Variants in SLC24A2 observed in about 807,000 individuals in gnomAD.
SLC24A2 encodes the protein sodium/potassium/calcium exchanger 2.
A neutral mutation model predicts 62.0 loss-of-function variants in SLC24A2; 36 were observed. That is an observed-to-expected ratio of 0.58 (90% CI 0.44 to 0.77). The LOEUF (loss-of-function observed/expected upper bound fraction) is 0.77, where lower values mean the gene tolerates loss of function less well. Ranked by LOEUF, SLC24A2 falls within the 30% of genes least tolerant of loss-of-function variation. The probability of loss-of-function intolerance (pLI) is 0.00; values close to 1 mark genes in which losing one functional copy is unlikely to be tolerated. For synonymous variants in SLC24A2, 358 were observed against 294.0 expected (o/e 1.22, Z -2.23); for missense variants, 846 against 817.9 (o/e 1.03, Z -0.42).
At chr9:20,077,630 T>C in the SLC24A2 span, among the ~76,000 whole-genome samples, 23 of 152,232 alleles carry the variant, frequency 1.5e-4, no homozygotes, top group Admixed American at 1.3e-3. Flanking sequence ...GAAGTGCCTC[T>C]AGGGTCTCAT....
the SLC24A2 span, among the ~76,000 whole-genome samples, chr9:19,889,046 C>A: frequency 6.6e-6 from 1 of 152,174 alleles, no homozygotes; most frequent in South Asian, 2.1e-4. Flanking sequence ...GGCCCCAGAC[C>A]ATCAGTGTGA....
the SLC24A2 span, among the ~76,000 whole-genome samples, chr9:19,861,599 G>C: frequency 6.6e-6 from 1 of 152,072 alleles, no homozygotes; most frequent in African/African-American, 2.4e-5. Context: ...ATGCACCATG[G>C]ATCAATCCCA....
At chr9:19,682,615 A>G (rs1819755618) in intron 2 of SLC24A2, among the ~76,000 whole-genome samples, 1 of 152,182 alleles carries the variant, frequency 6.6e-6, no homozygotes, top group South Asian at 2.1e-4. Flanking sequence ...ATATAGTGTG[A>G]CACAGCAATA....
At chr9:19,994,360 T>G in the SLC24A2 span, among the ~76,000 whole-genome samples, 11 of 152,154 alleles carry the variant, frequency 7.2e-5, no homozygotes, top group South Asian at 2.1e-4. Context: ...TAATTACCCA[T>G]GCACACAATA....
At chr9:20,002,940 C>A in the SLC24A2 span, among the ~76,000 whole-genome samples, 1 of 152,154 alleles carries the variant, frequency 6.6e-6, no homozygotes, top group African/African-American at 2.4e-5. Flanking sequence ...TCACAAATGG[C>A]CCCGTGTTTA....
In SLC24A2 at chr9:19,550,037, G is replaced by A. The variant is rs1834767151; in HGVS notation, c.1479+100C>T. The A allele has an allele frequency of 3.2e-5, 38 of 1,195,832 alleles. No individual in the cohort carries two copies. In the South Asian group the frequency reaches 4.3e-4, roughly 13 times the overall value. The allele number at this position is 1,195,832 out of a possible 1,614,324, so 74.1% of individuals were successfully genotyped here. A position where few individuals can be genotyped will look rare whatever the true frequency, so the allele number is the denominator to read the frequency against. ...GTATATGTGAGATTTTGATACAAGTGTACTTCCTTTTTCCTTTTAACACAA... is the reference window on the plus strand; with the variant it reads ...GTATATGTGAGATTTTGATACAAGTATACTTCCTTTTTCCTTTTAACACAA... On this transcript the variant is annotated intron_variant, in intron 8 of 10. Coordinates refer to ENST00000341998, the MANE Select transcript of SLC24A2 (RefSeq NM_020344.4).
chr9:19,709,439 T>C (rs1241648190), intron 2 of SLC24A2, among the ~76,000 whole-genome samples: 2 of 152,160 alleles, frequency 1.3e-5, no homozygotes, highest in African/African-American at 4.8e-5. Flanking sequence ...CATGCCGTTA[T>C]AAAGACACAT....
chr9:20,232,154 T>A, the SLC24A2 span, among the ~76,000 whole-genome samples: 1 of 152,226 alleles, frequency 6.6e-6, no homozygotes, highest in Non-Finnish European at 1.5e-5. Context: ...TTATTGAGGA[T>A]TTTTGCATCA....
At chr9:20,079,840 T>C in the SLC24A2 span, among the ~76,000 whole-genome samples, 1 of 152,110 alleles carries the variant, frequency 6.6e-6, no homozygotes, top group Admixed American at 6.6e-5. Context: ...GCTGAGACGA[T>C]GGGGTTTTCT....
chr9:20,279,269 G>T, the SLC24A2 span, among the ~76,000 whole-genome samples: 1 of 152,212 alleles, frequency 6.6e-6, no homozygotes, highest in Non-Finnish European at 1.5e-5. Flanking sequence ...GGTGGCTCAT[G>T]CCTGTAATCC....
intron 2 of SLC24A2, among the ~76,000 whole-genome samples, chr9:19,764,258 A>C (rs1036805065): frequency 7.2e-5 from 11 of 152,132 alleles, no homozygotes; most frequent in Non-Finnish European, 1.3e-4. Context: ...CTTTGCAAAA[A>C]ACCAGCTCCT....
At chr9:20,050,092 G>A in the SLC24A2 span, among the ~76,000 whole-genome samples, 1 of 151,796 alleles carries the variant, frequency 6.6e-6, no homozygotes, top group Non-Finnish European at 1.5e-5. Flanking sequence ...GCCAAGAACT[G>A]CTCCCCACCG....
the SLC24A2 span, among the ~76,000 whole-genome samples, chr9:20,018,688 C>T: frequency 6.6e-6 from 1 of 152,000 alleles, no homozygotes; most frequent in Non-Finnish European, 1.5e-5. Flanking sequence ...CACTACACAC[C>T]AGGCACTATG....
intron 2 of SLC24A2, among the ~76,000 whole-genome samples, chr9:19,695,290 C>T (rs1820155305): frequency 6.6e-6 from 1 of 152,074 alleles, no homozygotes; most frequent in African/African-American, 2.4e-5. Context: ...GTGAAGCCCA[C>T]AGTTCACACC....
At chr9:19,692,813 G>A (rs1320905123) in intron 2 of SLC24A2, among the ~76,000 whole-genome samples, 2 of 152,134 alleles carry the variant, frequency 1.3e-5, no homozygotes, top group African/African-American at 2.4e-5. Flanking sequence ...CATAGGAAGT[G>A]CTCGATAAAA....
At chr9:19,578,663 C>A (rs1279558645) in intron 5 of SLC24A2, among the ~76,000 whole-genome samples, 1 of 152,018 alleles carries the variant, frequency 6.6e-6, no homozygotes, top group Non-Finnish European at 1.5e-5. Flanking sequence ...TGGAGAGCTT[C>A]TTTTCCTAGG....
At chr9:20,130,642 T>A in the SLC24A2 span, among the ~76,000 whole-genome samples, 1 of 152,080 alleles carries the variant, frequency 6.6e-6, no homozygotes, top group African/African-American at 2.4e-5. Context: ...GTAAGGCCTG[T>A]AAGTTTATGA....
the SLC24A2 span, among the ~76,000 whole-genome samples, chr9:20,163,766 A>T: frequency 6.6e-6 from 1 of 152,194 alleles, no homozygotes; most frequent in Non-Finnish European, 1.5e-5. Context: ...ACAGCACGGT[A>T]CTGGTACCAA....
At chr9:20,106,267 G>A in the SLC24A2 span, among the ~76,000 whole-genome samples, 3 of 152,136 alleles carry the variant, frequency 2.0e-5, no homozygotes, top group Non-Finnish European at 2.9e-5. Flanking sequence ...TCTACCAGAG[G>A]TACAAGGAGG....
Sources: allele counts gnomAD v4.1 joint callset (sites outside exome capture counted in the v4.1 genomes callset), GRCh38; gene constraint gnomAD v4.1.1; transcripts MANE v1.5; gene names NCBI Gene and HGNC (gene_info 2026-07-23, HGNC 2026-07-21).